The following TOM1L2 variants were observed in gnomAD, a reference collection of about 807,000 sequenced individuals.
The protein encoded by TOM1L2 is TOM1-like protein 2.
Under a neutral mutation model 67.9 loss-of-function variants are expected in TOM1L2, and 31 were observed. The ratio of observed to expected loss-of-function variants is 0.46; its 90% confidence interval spans 0.34 to 0.62. The LOEUF (loss-of-function observed/expected upper bound fraction) is 0.62. Among genes scored for constraint, TOM1L2 ranks in the 20% least tolerant of loss-of-function variants. The pLI is 0.01. For synonymous variants in TOM1L2, 256 were observed against 254.0 expected, an observed-to-expected ratio of 1.01 and a Z score of -0.07; for missense variants, 606 against 663.5, an observed-to-expected ratio of 0.91 and a Z score of 0.95.
intron 2 of TOM1L2, among the ~76,000 whole-genome samples, chr17:17,904,649 G>A (rs1389809609): frequency 6.6e-6 from 1 of 152,268 alleles, no homozygotes. Context: ...GGTCGAAGCA[G>A]AGGTCCACCT....
chr17:17,861,459 C>A lies in TOM1L2; in HGVS notation c.1278+17G>T, dbSNP rs746922305. 1.2e-6 allele frequency: 2 copies of A among 1,611,602 alleles called. No homozygotes were observed. The highest frequency in any genetic ancestry group is 1.3e-5 in the African/African-American group (1 of 74,854). ...CTCCAGAAGACTCCAGGCAGAAAAACAGGGTTAAAGACCTACCCCTTCTGA... is the reference window on the plus strand; with the variant it reads ...CTCCAGAAGACTCCAGGCAGAAAAAAAGGGTTAAAGACCTACCCCTTCTGA... On this transcript the variant is annotated intron_variant, in intron 12 of 14. Transcript: ENST00000379504.
intron 1 of TOM1L2, among the ~76,000 whole-genome samples, chr17:17,951,339 G>A (rs1326779140): frequency 6.6e-6 from 1 of 152,136 alleles, no homozygotes; most frequent in Non-Finnish European, 1.5e-5. Context: ...GTTCTGACTA[G>A]AATTAAAGAA....
At chr17:17,898,540 G>T (rs373063534) in intron 3 of TOM1L2, 56 bp downstream of exon 3, 219 of 1,587,280 alleles carry the variant, frequency 1.4e-4, no homozygotes, top group Non-Finnish European at 1.8e-4. Context: ...GGGGGGCAAG[G>T]CCAGGAGCAA....
chr17:17,967,608 C>CT (rs1424670887), intron 1 of TOM1L2, among the ~76,000 whole-genome samples: 6 of 152,068 alleles, frequency 3.9e-5, no homozygotes, highest in Non-Finnish European at 7.4e-5. Flanking sequence ...CTTTCTCTCT[C>CT]TTTTTTTTCT....
chr17:17,857,842 G>A (rs570082658), intron 12 of TOM1L2: 187 of 1,535,640 alleles, frequency 1.2e-4, no homozygotes, highest in Middle Eastern at 1.0e-3. Flanking sequence ...CTTCTGGGCC[G>A]AGGACAGAAA....
At chr17:17,890,982 G>C (rs1390848643) in intron 4 of TOM1L2, among the ~76,000 whole-genome samples, 3 of 152,206 alleles carry the variant, frequency 2.0e-5, no homozygotes, top group African/African-American at 7.2e-5. Context: ...GTTACCAAAG[G>C]TAAGAGCTCT....
intron 1 of TOM1L2, among the ~76,000 whole-genome samples, chr17:17,956,425 C>G (rs2041449662): frequency 6.6e-6 from 1 of 152,240 alleles, no homozygotes; most frequent in Non-Finnish European, 1.5e-5. Flanking sequence ...AGAAACCCAG[C>G]TGGCTTCACC....
chr17:17,906,228 A>G (rs2039095946), intron 2 of TOM1L2, among the ~76,000 whole-genome samples: 1 of 151,372 alleles, frequency 6.6e-6, no homozygotes, highest in Non-Finnish European at 1.5e-5. Flanking sequence ...TCCTGGGCTC[A>G]AGTGATCCTC....
intron 3 of TOM1L2, among the ~76,000 whole-genome samples, chr17:17,894,935 ACAT>A (rs2038479431): frequency 2.2e-5 from 2 of 90,098 alleles, no homozygotes; most frequent in Admixed American, 2.1e-4. Flanking sequence ...TGTCTCAAAA[ACAT>A]ACATACATAC....
chr17:17,928,590 T>G (rs1158482701), intron 1 of TOM1L2, among the ~76,000 whole-genome samples: 1 of 152,190 alleles, frequency 6.6e-6, no homozygotes, highest in Non-Finnish European at 1.5e-5. Context: ...CGCGTGAGCA[T>G]GCACACACGA....
At chr17:17,938,319 G>C (rs1031932024) in intron 1 of TOM1L2, among the ~76,000 whole-genome samples, 13 of 152,196 alleles carry the variant, frequency 8.5e-5, no homozygotes, top group Non-Finnish European at 2.9e-5. Flanking sequence ...GGTGCCTGCT[G>C]TGCCTAAGAC....
intron 7 of TOM1L2, among the ~76,000 whole-genome samples, chr17:17,878,049 G>A (rs924014559): frequency 2.0e-5 from 3 of 152,204 alleles, no homozygotes; most frequent in Admixed American, 2.0e-4. Context: ...GAATTCCGAC[G>A]CTGACACAGC....
intron 1 of TOM1L2, among the ~76,000 whole-genome samples, chr17:17,966,134 C>CA (rs1463856718): frequency 6.6e-6 from 1 of 151,924 alleles, no homozygotes; most frequent in African/African-American, 2.4e-5. Context: ...AACAAAGAAA[C>CA]AAAAAAACAA....
chr17:17,898,193 G>T (rs1019324691), intron 3 of TOM1L2, among the ~76,000 whole-genome samples: 1 of 152,036 alleles, frequency 6.6e-6, no homozygotes, highest in East Asian at 1.9e-4. Flanking sequence ...CAAAGTGCTG[G>T]GATTACAGGT....
chr17:17,912,321 C>T (rs1471559678), intron 1 of TOM1L2, among the ~76,000 whole-genome samples: 28 of 147,590 alleles, frequency 1.9e-4, no homozygotes, highest in African/African-American at 3.8e-4. Context: ...GGGTGGCTGC[C>T]GGGCGGAGAC....
At chr17:17,902,202 G>C (rs1226454666) in intron 2 of TOM1L2, among the ~76,000 whole-genome samples, 2 of 152,070 alleles carry the variant, frequency 1.3e-5, no homozygotes, top group Non-Finnish European at 2.9e-5. Context: ...AATAAAAACA[G>C]TCCCAGGTAG....
At chr17:17,949,132 G>A (rs7214536) in intron 1 of TOM1L2, among the ~76,000 whole-genome samples, 74,384 of 151,908 alleles carry the variant, frequency 0.49, 19,256 homozygotes, top group East Asian at 0.86. Flanking sequence ...CATGCCATGC[G>A]TTTCTCACAC....
chr17:17,946,909 G>A (rs1413310648), intron 1 of TOM1L2, among the ~76,000 whole-genome samples: 1 of 152,168 alleles, frequency 6.6e-6, no homozygotes, highest in Admixed American at 6.5e-5. Context: ...ATTTTTAGTA[G>A]AAATGGAGTT....
At chr17:17,900,254 T>C (rs2038782627) in intron 2 of TOM1L2, among the ~76,000 whole-genome samples, 1 of 151,424 alleles carries the variant, frequency 6.6e-6, no homozygotes, top group African/African-American at 2.4e-5. Context: ...GCATTATGGC[T>C]CATTCCTGTA....
Sources: allele counts gnomAD v4.1 joint callset (sites outside exome capture counted in the v4.1 genomes callset), GRCh38; gene constraint gnomAD v4.1.1; transcripts MANE v1.5; gene names NCBI Gene and HGNC (gene_info 2026-07-23, HGNC 2026-07-21).